RGPD1: variants seen among roughly 807,000 people sequenced by gnomAD.
RGPD1 encodes RANBP2 like and GRIP domain containing 1, also known as RANBP2-like and GRIP domain-containing protein 1.
A neutral mutation model predicts 40.6 loss-of-function variants in RGPD1; 7 were observed. The observed-to-expected ratio is 0.17, with a 90% CI of 0.10 to 0.32. The LOEUF is 0.32. Ranked by LOEUF, RGPD1 falls within the 10% of genes least tolerant of loss-of-function variation. RGPD1 has a pLI of 1.00. For missense variants in RGPD1, 50 were observed against 472.5 expected, an observed-to-expected ratio of 0.11 and a Z score of 8.29; for synonymous variants, 24 against 167.0, an observed-to-expected ratio of 0.14 and a Z score of 6.60.
chr2:86,960,157 G>T (rs1477240929), intron 6 of RGPD1, among the ~76,000 whole-genome samples: 1 of 104,124 alleles, frequency 9.6e-6, no homozygotes, highest in African/African-American at 4.6e-5. Context: ...ACCATGAGGG[G>T]GTGACTGGGG....
In RGPD1 at chr2:86,942,272, C is replaced by T. The variant is rs576519867; in HGVS notation, c.36C>T (p.Val12=). ...RRSKAYGERY[V]ASVQGSAPSP... ...GCAAGGCCTACGGGGAGCGGTACGT[C>T]GCCTCGGTGCAGGGCTCCGCCCCGT... Residue 12 remains valine (V), a synonymous_variant, in exon 1 of 23, where the codon GTC becomes GTT. Coordinates refer to ENST00000641458, the MANE Select transcript of RGPD1 (RefSeq NM_001382344.1). 413 of 1,606,964 alleles carry T rather than the reference C, an allele frequency of 2.6e-4. 3 individuals carry two copies. The South Asian group carries it at 2.6e-3, about 10-fold the overall frequency.
At position 86,942,253 on chromosome 2, in the gene RGPD1, C is replaced by T. The variant is rs1050918878; in HGVS notation, c.17C>T (p.Ala6Val). Residue 6 changes from alanine to valine, a missense_variant, in exon 1 of 23, where the codon GCC (alanine) becomes GTC (valine). Coordinates refer to ENST00000641458, the MANE Select transcript of RGPD1 (RefSeq NM_001382344.1). ...GGCGGTGCGATGAGGCGCAGCAAGG[C>T]CTACGGGGAGCGGTACGTCGCCTCG... MRRSK[A>V]YGERYVASVQ... 168 of 1,606,988 alleles carry T rather than the reference C, an allele frequency of 1.0e-4. No individual in the cohort carries two copies. Among genetic ancestry groups the T allele is most frequent in the Non-Finnish European group, 1.4e-4 (165 of 1,177,798 alleles).
At chr2:86,943,402 A>G (rs1680072930) in intron 1 of RGPD1, among the ~76,000 whole-genome samples, 1 of 151,208 alleles carries the variant, frequency 6.6e-6, no homozygotes. Context: ...TTTTTAGGGT[A>G]TTTTTCCTCT....
At chr2:86,943,075 T>C (rs1680024749) in intron 1 of RGPD1, among the ~76,000 whole-genome samples, 1 of 151,296 alleles carries the variant, frequency 6.6e-6, no homozygotes, top group Non-Finnish European at 1.5e-5. Flanking sequence ...CTCCTTGGCC[T>C]GGAGGAACCC....
chr2:86,925,946 C>T (rs1272919330), intron 1 of RGPD1, among the ~76,000 whole-genome samples: 2 of 152,156 alleles, frequency 1.3e-5, no homozygotes, highest in East Asian at 1.9e-4. Context: ...ATTTAGTGTA[C>T]TTTCCTTTAA....
chr2:86,934,873 TGTC>T (rs1295798821), intron 1 of RGPD1: 2 of 134,932 alleles, frequency 1.5e-5, no homozygotes, highest in African/African-American at 5.4e-5. Flanking sequence ...AGGTTGGCTC[TGTC>T]GTCCAGACTG....
At chr2:86,943,977 G>T (rs1012657911) in intron 1 of RGPD1, among the ~76,000 whole-genome samples, 16 of 151,750 alleles carry the variant, frequency 1.1e-4, no homozygotes, top group Admixed American at 5.2e-4. Context: ...TCGCGCTACT[G>T]CACTCCAGCC....
At chr2:86,942,483 G>GGGCGGC (rs1368045303) in intron 1 of RGPD1, among the ~76,000 whole-genome samples, 175 bp downstream of exon 1, 1 of 121,992 alleles carries the variant, frequency 8.2e-6, no homozygotes, top group African/African-American at 3.2e-5. Flanking sequence ...CGACCTGGCC[G>GGGCGGC]GGCGGCGGCG....
intron 1 of RGPD1, among the ~76,000 whole-genome samples, chr2:86,926,755 A>G (rs1678537559): frequency 6.6e-6 from 1 of 152,240 alleles, no homozygotes; most frequent in Non-Finnish European, 1.5e-5. Context: ...TAATTAAGGT[A>G]GTATTACAAG....
upstream of RGPD1, among the ~76,000 whole-genome samples, chr2:86,938,624 A>G (rs1275016013): frequency 4.6e-5 from 7 of 152,256 alleles, no homozygotes; most frequent in East Asian, 1.3e-3. Flanking sequence ...ATAAATAAAT[A>G]AAAAGAATTC....
At chr2:86,914,245 C>G (rs1364775654) in intron 1 of RGPD1, among the ~76,000 whole-genome samples, 1 of 85,560 alleles carries the variant, frequency 1.2e-5, no homozygotes, top group Admixed American at 1.1e-4. Context: ...CGGGCGGCGG[C>G]GGCGGCGGCG....
At chr2:86,944,035 A>G (rs1252839873) in intron 1 of RGPD1, among the ~76,000 whole-genome samples, 1 of 151,964 alleles carries the variant, frequency 6.6e-6, no homozygotes, top group African/African-American at 2.4e-5. Context: ...AAACCAAAAA[A>G]CGGAAACTCA....
intron 1 of RGPD1, among the ~76,000 whole-genome samples, chr2:86,923,803 C>CAGTTTTTT (rs1678236190): frequency 1.2e-5 from 1 of 83,580 alleles, no homozygotes; most frequent in African/African-American, 4.7e-5. Flanking sequence ...GGGCCTGGCC[C>CAGTTTTTT]CTCTTGCTGT....
At chr2:86,943,724 A>T (rs1294490876) in intron 1 of RGPD1, among the ~76,000 whole-genome samples, 1 of 152,176 alleles carries the variant, frequency 6.6e-6, no homozygotes, top group African/African-American at 2.4e-5. Context: ...TGTTAAAAGG[A>T]TATTGGCGGG....
At position 86,914,007 on chromosome 2, in the gene RGPD1, T is replaced by C. The variant is rs868304273; in HGVS notation, c.72+86T>C. 6,025 of 623,330 alleles carry C rather than the reference T, an allele frequency of 9.7e-3. 1,231 individuals are homozygous for C. The highest frequency in any genetic ancestry group is 0.043 in the South Asian group (684 of 15,884). 38.6% of individuals were successfully genotyped at this position (623,330 alleles called of 1,614,324 possible). A position where few individuals can be genotyped will look rare whatever the true frequency, so the allele number is the denominator to read the frequency against. ...CCGGGCGGCGGCGGCGGCCTCGGCC[T>C]CGGCCTGGCCGGGCGGCGGCGGCGG... On this transcript the variant is annotated intron_variant, in intron 1 of 22. Coordinates refer to the RGPD1 transcript ENST00000398193.
rs1336403970 is a variant in RGPD1 at position 86,962,584 on chromosome 2, T to C, written c.780-445T>C. Among the ~76,000 whole-genome samples, 31 of 132,434 alleles carry C rather than the reference T, an allele frequency of 2.3e-4. 2 individuals carry two copies. The highest frequency in any genetic ancestry group is 4.3e-4 in the Non-Finnish European group (27 of 62,776). The allele number at this position is 132,434 out of a possible 152,430, so 86.9% of individuals were successfully genotyped here. ...TCTATATAGTAAAAAGAGCAATTGCTGTATTGATACTCAAATACCTGTCAG... is the reference window on the plus strand; with the variant it reads ...TCTATATAGTAAAAAGAGCAATTGCCGTATTGATACTCAAATACCTGTCAG... On this transcript the variant is annotated intron_variant, in intron 6 of 22. Transcript: ENST00000641458.
intron 22 of RGPD1, among the ~76,000 whole-genome samples, chr2:86,998,507 ATC>A (rs1681872552): frequency 3.3e-5 from 1 of 30,732 alleles, no homozygotes; most frequent in Non-Finnish European, 5.4e-5. Flanking sequence ...CGAGACTCCC[ATC>A]TCAAAAAAAA....
At chr2:86,945,578 G>A (rs558120561) in intron 1 of RGPD1, among the ~76,000 whole-genome samples, 15 of 152,186 alleles carry the variant, frequency 9.9e-5, no homozygotes, top group East Asian at 1.9e-4. Flanking sequence ...TCATTTGTTA[G>A]TCTTCTCTTG....
chr2:86,945,215 C>G (rs538827169), intron 1 of RGPD1, among the ~76,000 whole-genome samples: 1 of 152,032 alleles, frequency 6.6e-6, no homozygotes, highest in African/African-American at 2.4e-5. Context: ...GTTATTATGA[C>G]CACCTCTCTT....
Sources: allele counts gnomAD v4.1 joint callset (sites outside exome capture counted in the v4.1 genomes callset), GRCh38; gene constraint gnomAD v4.1.1; transcripts MANE v1.5; gene names NCBI Gene and HGNC (gene_info 2026-07-23, HGNC 2026-07-21).